The following ASTN2 variants were observed in gnomAD, a reference collection of about 807,000 sequenced individuals.
The protein encoded by ASTN2 is astrotactin-2.
Under a neutral mutation model 139.8 loss-of-function variants are expected in ASTN2, and 54 were observed. The observed-to-expected ratio is 0.39, with a 90% confidence interval of 0.31 to 0.48. The LOEUF (loss-of-function observed/expected upper bound fraction) is 0.48. Among genes scored for constraint, ASTN2 ranks in the 20% least tolerant of loss-of-function variants. The probability of loss-of-function intolerance (pLI) is 0.95; values close to 1 mark genes in which losing one functional copy is unlikely to be tolerated. For synonymous variants in ASTN2, 756 were observed against 719.5 expected, an observed-to-expected ratio of 1.05 and a Z score of -0.81; for missense variants, 1,565 against 1,725.1, an observed-to-expected ratio of 0.91 and a Z score of 1.64.
chr9:116,805,987 C>T (rs775723041), intron 12 of ASTN2, among the ~76,000 whole-genome samples, 167 bp from the exon 13 acceptor site: 8 of 152,200 alleles, frequency 5.3e-5, no homozygotes, highest in Non-Finnish European at 8.8e-5. Context: ...GAGAGAAGCA[C>T]ATTAATACTG....
At chr9:117,160,952 C>A (rs1406655869) in intron 3 of ASTN2, among the ~76,000 whole-genome samples, 13 of 151,974 alleles carry the variant, frequency 8.6e-5, no homozygotes, top group Admixed American at 8.5e-4. Context: ...CACACACACA[C>A]ACGCACACAT....
chr9:116,461,663 G>C (rs1041004804), intron 20 of ASTN2, among the ~76,000 whole-genome samples: 2 of 151,956 alleles, frequency 1.3e-5, no homozygotes, highest in Middle Eastern at 3.2e-3. Context: ...CATCTCATAG[G>C]CCAATGTATT....
intron 19 of ASTN2, among the ~76,000 whole-genome samples, chr9:116,512,691 T>G (rs914913808): frequency 6.6e-6 from 1 of 152,224 alleles, no homozygotes; most frequent in Admixed American, 6.5e-5. Flanking sequence ...TGCTCCTATA[T>G]TGGGTGCATG....
chr9:117,276,529 A>C lies in ASTN2; in HGVS notation c.630+14797T>G, dbSNP rs554563993. On this transcript the variant is annotated intron_variant, in intron 2 of 22. Coordinates refer to ENST00000313400, the MANE Select transcript of ASTN2 (RefSeq NM_001365068.1). Reference sequence around the variant, plus strand: ...CACCAACATATTTCACTCCCTATTAAGGAAAGCTGAGACAGGGCAGGCCTC... The same window carrying C: ...CACCAACATATTTCACTCCCTATTACGGAAAGCTGAGACAGGGCAGGCCTC... Among the ~76,000 whole-genome samples, 3 of 152,356 alleles carry C rather than the reference A, an allele frequency of 2.0e-5. No homozygotes were observed. The East Asian group carries it at 5.8e-4, about 29-fold the overall frequency.
rs1244530260 is a variant in ASTN2, at chr9:117,214,525, G to C, written c.848C>G (p.Pro283Arg). 3 of 1,613,882 alleles carry C rather than the reference G, an allele frequency of 1.9e-6. No individual in the cohort carries two copies. The Middle Eastern group carries it at 4.9e-4, about 265-fold the overall frequency. ...LQTHNSVIGVPIRETPILDDY... is the reference protein window; with the variant it reads ...LQTHNSVIGVRIRETPILDDY... ...ATCCAGGATGGGAGTCTCCCGGATG[G>C]GCACGCCAATGACGGAATTGTGGGT... is the stretch of plus-strand genomic sequence containing the variant. The change falls in exon 3 of 23, where the codon CCC becomes CGC. Residue 283 changes from proline (P) to arginine (R), a missense_variant. By Grantham distance (103) the Pro-to-Arg change is moderately radical. Coordinates refer to ENST00000313400, the MANE Select transcript of ASTN2 (RefSeq NM_001365068.1).
chr9:116,606,841 A>G (rs1855233815), intron 19 of ASTN2, among the ~76,000 whole-genome samples: 1 of 152,186 alleles, frequency 6.6e-6, no homozygotes, highest in Non-Finnish European at 1.5e-5. Context: ...AACCCTAGAA[A>G]AGATGTTGAC....
chr9:116,482,529 G>C (rs749554714), intron 20 of ASTN2, among the ~76,000 whole-genome samples: 3 of 152,092 alleles, frequency 2.0e-5, no homozygotes, highest in Non-Finnish European at 2.9e-5. Flanking sequence ...TCCTGCCTCA[G>C]TGTGCAAGCC....
chr9:117,399,282 G>A (rs138536222), intron 1 of ASTN2, among the ~76,000 whole-genome samples: 72 of 152,262 alleles, frequency 4.7e-4, no homozygotes, highest in African/African-American at 1.6e-3. Flanking sequence ...CTGTTTTGGG[G>A]GGAGCCAGGA....
intron 7 of ASTN2, among the ~76,000 whole-genome samples, chr9:116,998,091 A>T (rs1396808112): frequency 6.6e-6 from 1 of 152,196 alleles, no homozygotes; most frequent in African/African-American, 2.4e-5. Flanking sequence ...TAAAAAGCTT[A>T]ATTCCATTAT....
intron 11 of ASTN2, among the ~76,000 whole-genome samples, chr9:116,841,165 A>T (rs545295038): frequency 2.6e-5 from 4 of 152,360 alleles, no homozygotes; most frequent in African/African-American, 9.6e-5. Context: ...ACTCGCGGTT[A>T]GGAGCTGGAG....
Position 116,502,967 on chromosome 9 carries a change from G to C in ASTN2, c.3356-15467C>G, listed in dbSNP as rs551444147. ...AGAAAAAAAGGAAGGAGGAAGAAAA[G>C]AAGGGAAGGAAGGAGAGAGGGAGGG... On this transcript the variant is annotated intron_variant, in intron 19 of 22. Coordinates refer to ENST00000313400, the MANE Select transcript of ASTN2 (RefSeq NM_001365068.1). Among the ~76,000 whole-genome samples the C allele has an allele frequency of 4.8e-4, 63 of 132,428 alleles. 1 individual carries two copies. Among genetic ancestry groups the C allele is most frequent in the African/African-American group, 1.8e-3 (62 of 34,538 alleles). 86.9% of individuals were successfully genotyped at this position (132,428 alleles called of 152,430 possible).
chr9:116,467,734 T>A (rs979073978), intron 20 of ASTN2, among the ~76,000 whole-genome samples: 2 of 152,240 alleles, frequency 1.3e-5, no homozygotes, highest in Admixed American at 1.3e-4. Flanking sequence ...TAAATATCCT[T>A]TATAAAGTTG....
intron 5 of ASTN2, among the ~76,000 whole-genome samples, chr9:117,055,024 C>G (rs1346120104): frequency 2.0e-5 from 3 of 152,140 alleles, no homozygotes; most frequent in African/African-American, 7.2e-5. Context: ...TGAAAAGAGG[C>G]GGAGCTTAGG....
intron 3 of ASTN2, 105 bp from the exon 4 acceptor site, chr9:117,141,583 A>G: frequency 9.3e-7 from 1 of 1,080,766 alleles, no homozygotes; most frequent in South Asian, 1.5e-5. Context: ...CCCCTAGAGC[A>G]CTAGACCTGG....
chr9:116,449,181 G>A (rs1428479896), intron 20 of ASTN2, among the ~76,000 whole-genome samples: 1 of 152,162 alleles, frequency 6.6e-6, no homozygotes, highest in East Asian at 1.9e-4. Context: ...CGAGGCAGGT[G>A]GATTGCATGA....
chr9:116,433,564 T>C (rs1159089654), intron 22 of ASTN2, among the ~76,000 whole-genome samples: 2 of 152,256 alleles, frequency 1.3e-5, no homozygotes, highest in East Asian at 3.8e-4. Flanking sequence ...TTGGATTTTA[T>C]ATAATGAACA....
chr9:117,287,105 C>A (rs1834469147), intron 2 of ASTN2, among the ~76,000 whole-genome samples: 1 of 152,118 alleles, frequency 6.6e-6, no homozygotes, highest in Non-Finnish European at 1.5e-5. Context: ...AGAGGTGCTG[C>A]ACTTAGTGCC....
intron 19 of ASTN2, among the ~76,000 whole-genome samples, chr9:116,609,975 AG>A (rs1855449199): frequency 1.3e-5 from 2 of 152,166 alleles, no homozygotes; most frequent in Non-Finnish European, 2.9e-5. Flanking sequence ...TTGCTAATAA[AG>A]TCAACAAAGG....
intron 13 of ASTN2, among the ~76,000 whole-genome samples, chr9:116,738,814 G>A (rs1473620967): frequency 1.3e-5 from 2 of 152,196 alleles, no homozygotes; most frequent in African/African-American, 4.8e-5. Flanking sequence ...AGCCCAGCAC[G>A]CAGTAAGTAC....
Sources: gnomAD v4.1 joint callset for allele counts (sites outside exome capture counted in the v4.1 genomes callset) on GRCh38, gnomAD v4.1.1 for gene constraint, MANE v1.5 for transcripts, NCBI Gene and HGNC (gene_info 2026-07-23, HGNC 2026-07-21) for gene names.